The following PRKG1 variants were observed in gnomAD, a reference collection of about 807,000 sequenced individuals.
The protein encoded by PRKG1 is cGMP-dependent protein kinase 1.
Under a neutral mutation model 88.1 loss-of-function variants are expected in PRKG1, and 35 were observed. The ratio of observed to expected loss-of-function variants is 0.40; its 90% confidence interval spans 0.30 to 0.53. PRKG1 has a LOEUF of 0.53. Among genes scored for constraint, PRKG1 ranks in the 20% least tolerant of loss-of-function variants. The pLI, the probability that PRKG1 is intolerant of heterozygous loss-of-function variation, is 0.59. For synonymous variants in PRKG1, 303 were observed against 292.5 expected, an observed-to-expected ratio of 1.04 and a Z score of -0.37; for missense variants, 540 against 839.8, an observed-to-expected ratio of 0.64 and a Z score of 4.41.
chr10:51,907,567 A>G lies in PRKG1; in HGVS notation c.759A>G (p.Glu253=). 2 of 1,613,320 alleles carry G rather than the reference A, an allele frequency of 1.2e-6. No homozygotes were observed. The highest frequency in any genetic ancestry group is 2.2e-5 in the South Asian group (2 of 90,978). Residue 253 remains glutamate, a synonymous_variant, in exon 5 of 18, where the codon GAA becomes GAG. Transcript: ENST00000373980. ...EILSKLADVL[E]ETHYENGEYI... ...TCAGCAAGCTTGCTGATGTCCTTGA[A>G]GAGGTAATTGTTTTTAGCCTTTGAA...
intron 7 of PRKG1, among the ~76,000 whole-genome samples, chr10:52,063,529 C>A (rs940530841): frequency 6.6e-6 from 1 of 152,250 alleles, no homozygotes; most frequent in Admixed American, 6.5e-5. Context: ...TGTTTCAGCC[C>A]TGTTTGTATT....
intron 3 of PRKG1, among the ~76,000 whole-genome samples, chr10:51,572,170 AC>A (rs1433758417): frequency 6.6e-6 from 1 of 151,900 alleles, no homozygotes; most frequent in Non-Finnish European, 1.5e-5. Context: ...AGTAAAACAT[AC>A]TTTTTAATCT....
At chr10:51,732,400 A>G (rs753242106) in intron 3 of PRKG1, among the ~76,000 whole-genome samples, 1 of 152,346 alleles carries the variant, frequency 6.6e-6, no homozygotes, top group Non-Finnish European at 1.5e-5. Flanking sequence ...ATGAAAGGAT[A>G]GTAAATAAAC....
At chr10:51,874,010 A>C (rs973995299) in intron 4 of PRKG1, among the ~76,000 whole-genome samples, 1 of 152,130 alleles carries the variant, frequency 6.6e-6, no homozygotes, top group Non-Finnish European at 1.5e-5. Context: ...ATTGTACCTT[A>C]ATTTATCTGT....
intron 3 of PRKG1, among the ~76,000 whole-genome samples, chr10:51,700,488 C>T (rs1762587211): frequency 6.6e-6 from 1 of 152,204 alleles, no homozygotes; most frequent in South Asian, 2.1e-4. Context: ...GTGAGTCCAC[C>T]ACTTCCATGA....
chr10:51,045,500 A>G (rs1843477927), intron 1 of PRKG1, among the ~76,000 whole-genome samples: 2 of 151,816 alleles, frequency 1.3e-5, no homozygotes, highest in Non-Finnish European at 2.9e-5. Context: ...TTCTTTTTGT[A>G]TTTTTACTAG....
intron 3 of PRKG1, among the ~76,000 whole-genome samples, chr10:51,534,653 C>G (rs1488399668): frequency 1.8e-5 from 2 of 108,290 alleles, no homozygotes; most frequent in Admixed American, 2.6e-4. Flanking sequence ...GGCAACAGAG[C>G]GAGACTCTGT....
At chr10:51,389,203 T>C (rs1837332771) in intron 2 of PRKG1, among the ~76,000 whole-genome samples, 1 of 152,256 alleles carries the variant, frequency 6.6e-6, no homozygotes. Context: ...GTTTTTCCTC[T>C]TTCTTATGAC....
chr10:51,870,484 C>T (rs1434603646), intron 4 of PRKG1, among the ~76,000 whole-genome samples: 1 of 151,790 alleles, frequency 6.6e-6, no homozygotes, highest in Non-Finnish European at 1.5e-5. Context: ...TTTAGGGCCC[C>T]ACCATCTCCA....
chr10:51,817,352 C>A (rs1839617630), intron 4 of PRKG1, among the ~76,000 whole-genome samples: 1 of 148,472 alleles, frequency 6.7e-6, no homozygotes, highest in African/African-American at 2.4e-5. Context: ...CCCCAACCCC[C>A]CCCCTCCCCT....
chr10:51,135,512 G>A (rs576274769), intron 1 of PRKG1, among the ~76,000 whole-genome samples: 51 of 152,184 alleles, frequency 3.4e-4, no homozygotes, highest in African/African-American at 1.1e-3. Context: ...ATCAGAGTTA[G>A]TTTTTCTAAA....
At chr10:51,770,499 C>A (rs1233628307) in intron 3 of PRKG1, among the ~76,000 whole-genome samples, 3 of 152,152 alleles carry the variant, frequency 2.0e-5, no homozygotes, top group African/African-American at 7.2e-5. Flanking sequence ...GGGTACCCAA[C>A]CCCTGGGCCA....
chr10:51,698,941 G>T, intron 3 of PRKG1: 1 of 1,614,224 alleles, frequency 6.2e-7, no homozygotes, highest in South Asian at 1.1e-5. Flanking sequence ...ACTGAGATTT[G>T]CCTGGGATCA....
chr10:51,415,320 A>G (rs542346842), intron 2 of PRKG1, among the ~76,000 whole-genome samples: 2 of 152,360 alleles, frequency 1.3e-5, no homozygotes, highest in South Asian at 4.1e-4. Context: ...ACACATAAGT[A>G]AAAGGAGGCT....
chr10:51,313,290 C>T (rs1649327366), intron 2 of PRKG1, among the ~76,000 whole-genome samples: 2 of 152,244 alleles, frequency 1.3e-5, no homozygotes, highest in South Asian at 2.1e-4. Flanking sequence ...TGGATTCTGG[C>T]TTCAATACAT....
At chr10:51,885,376 C>G (rs1841542305) in intron 4 of PRKG1, among the ~76,000 whole-genome samples, 1 of 152,198 alleles carries the variant, frequency 6.6e-6, no homozygotes, top group African/African-American at 2.4e-5. Context: ...GATAAAATTA[C>G]CTTATAATGT....
chr10:51,861,906 G>T (rs2132837046), intron 4 of PRKG1, among the ~76,000 whole-genome samples: 1 of 152,260 alleles, frequency 6.6e-6, no homozygotes, highest in East Asian at 1.9e-4. Context: ...TGGCCCAACA[G>T]GCTGCACTTG....
intron 8 of PRKG1, among the ~76,000 whole-genome samples, chr10:52,139,282 T>C (rs1052270424): frequency 6.6e-6 from 1 of 152,006 alleles, no homozygotes. Context: ...ATTAAAATGG[T>C]TTTTTGTTCC....
intron 3 of PRKG1, among the ~76,000 whole-genome samples, chr10:51,732,890 A>T: frequency 6.6e-6 from 1 of 152,080 alleles, no homozygotes; most frequent in Non-Finnish European, 1.5e-5. Context: ...TGACTTAAAT[A>T]ACATACATTT....
Sources: gnomAD v4.1 joint callset for allele counts (sites outside exome capture counted in the v4.1 genomes callset) on GRCh38, gnomAD v4.1.1 for gene constraint, MANE v1.5 for transcripts, NCBI Gene and HGNC (gene_info 2026-07-23, HGNC 2026-07-21) for gene names.